CERKL: variants seen among roughly 807,000 people sequenced by gnomAD.
CERKL encodes the protein CERK like autophagy regulator.
Under a neutral mutation model 63.4 loss-of-function variants are expected in CERKL, and 61 were observed. That is an observed-to-expected ratio of 0.96 (90% confidence interval 0.78 to 1.19). The LOEUF (loss-of-function observed/expected upper bound fraction) is 1.19, where lower values mean the gene tolerates loss of function less well. CERKL is among the 50% of genes most tolerant of loss of function. CERKL has a pLI of 0.00. For missense variants in CERKL, 675 were observed against 655.5 expected (o/e 1.03, Z -0.33); for synonymous variants, 250 against 230.5 (o/e 1.08, Z -0.77).
chr2:181,586,000 G>A (rs552813566), intron 2 of CERKL, among the ~76,000 whole-genome samples: 156 of 152,170 alleles, frequency 1.0e-3, no homozygotes, highest in African/African-American at 3.6e-3. Context: ...GTGGCCCAGG[G>A]GATGACAACC....
At chr2:181,607,821 G>GGAAGCTT (rs1365865611) in intron 1 of CERKL, among the ~76,000 whole-genome samples, 1 of 152,160 alleles carries the variant, frequency 6.6e-6, no homozygotes, top group African/African-American at 2.4e-5. Flanking sequence ...TGAAGTTTAA[G>GGAAGCTT]GAAGCTTGTC....
At chr2:181,566,277 A>G (rs1235296237) in intron 3 of CERKL, among the ~76,000 whole-genome samples, 156 bp from the exon 4 acceptor site, 1 of 152,202 alleles carries the variant, frequency 6.6e-6, no homozygotes, top group Non-Finnish European at 1.5e-5. Flanking sequence ...GGGCAAGAGG[A>G]CTAAGTGTTA....
intron 1 of CERKL, among the ~76,000 whole-genome samples, chr2:181,632,612 C>G (rs1035906336): frequency 1.3e-5 from 2 of 152,178 alleles, no homozygotes. Context: ...ATAGGCAAAA[C>G]TTACTGTACT....
intron 4 of CERKL, among the ~76,000 whole-genome samples, chr2:181,559,672 C>T (rs1190567737): frequency 1.3e-5 from 2 of 152,192 alleles, no homozygotes; most frequent in African/African-American, 4.8e-5. Flanking sequence ...TACTAAGCAA[C>T]TAGCATTCAA....
intron 3 of CERKL, among the ~76,000 whole-genome samples, chr2:181,566,663 C>T (rs1207361629): frequency 6.6e-6 from 1 of 152,130 alleles, no homozygotes; most frequent in African/African-American, 2.4e-5. Flanking sequence ...GAGACCCAGA[C>T]CCAAGAAGGA....
rs953771685 is a variant in CERKL at position 181,537,207 on chromosome 2, T to C, written c.*977A>G. The C allele has an allele frequency of 1.8e-5, 8 of 453,120 alleles. No homozygotes were observed. The highest frequency in any genetic ancestry group is 1.6e-4 in the African/African-American group (8 of 50,092). 28.1% of individuals were successfully genotyped at this position (453,120 alleles called of 1,614,324 possible). On this transcript the variant is annotated 3_prime_UTR_variant, in exon 13 of 13. Transcript: ENST00000410087. Reference sequence around the variant, plus strand: ...TCATAGATGAAAAATCAAGCCCCGATTTAGAACTGTCTTCTCCAGGATGGT... The same window carrying C: ...TCATAGATGAAAAATCAAGCCCCGACTTAGAACTGTCTTCTCCAGGATGGT...
At chr2:181,607,676 G>A (rs764033873) in intron 1 of CERKL, among the ~76,000 whole-genome samples, 7 of 152,148 alleles carry the variant, frequency 4.6e-5, no homozygotes, top group Non-Finnish European at 8.8e-5. Context: ...TATGGCCAGG[G>A]TCCCCAAAAT....
rs755548228 is a variant in CERKL, at chr2:181,565,626, AATCT to A, written c.677+428_677+431del. 9.3e-6 allele frequency: 8 copies of A among 863,738 alleles called. No homozygotes were observed. In the East Asian group the frequency reaches 1.9e-4, roughly 20 times the overall value. 53.5% of individuals were successfully genotyped at this position (863,738 alleles called of 1,614,324 possible). A position where few individuals can be genotyped will look rare whatever the true frequency, so the allele number is the denominator to read the frequency against. On this transcript the variant is annotated intron_variant, in intron 4 of 12. Transcript: ENST00000410087. ...TTGTATTTATAAAATATCTTCCCTC[AATCT>A]ATCACAGACAAGTTAACCAATGGGT...
chr2:181,543,129 G>T (rs756791276), intron 11 of CERKL, among the ~76,000 whole-genome samples: 2 of 152,138 alleles, frequency 1.3e-5, no homozygotes, highest in Non-Finnish European at 2.9e-5. Flanking sequence ...AATAAAAAAG[G>T]ATTCGGAAAA....
chr2:181,536,757 TC>T lies in CERKL; in HGVS notation c.*1426del, dbSNP rs1386789616. On this transcript the variant is annotated 3_prime_UTR_variant, in exon 13 of 13. Coordinates refer to ENST00000410087, the MANE Select transcript of CERKL (RefSeq NM_201548.5). ...ATGACTTTCTGGATTTTAAAAAATT[TC>T]TTTAAATACAATCATTTTTGTAATA... 4.1e-6 allele frequency: 1 copy of T among 246,582 alleles called. No homozygotes were observed. Among genetic ancestry groups the T allele is most frequent in the African/African-American group, 2.3e-5 (1 of 43,532 alleles). 15.3% of individuals were successfully genotyped at this position (246,582 alleles called of 1,614,324 possible). A position where few individuals can be genotyped will look rare whatever the true frequency, so the allele number is the denominator to read the frequency against.
intron 11 of CERKL, among the ~76,000 whole-genome samples, chr2:181,543,716 G>T (rs1687606508): frequency 6.6e-6 from 1 of 152,074 alleles, no homozygotes; most frequent in Admixed American, 6.6e-5. Flanking sequence ...CGGACGTGGT[G>T]GCTCACGCCT....
intron 2 of CERKL, among the ~76,000 whole-genome samples, chr2:181,577,197 G>C (rs149617761): frequency 1.4e-4 from 21 of 152,276 alleles, no homozygotes; most frequent in African/African-American, 4.6e-4. Context: ...TGAAAGAATA[G>C]CTAAAGAAAC....
rs189370920 is a variant in CERKL at position 181,586,544 on chromosome 2, G to C, written c.482-12660C>G. On this transcript the variant is annotated intron_variant, in intron 2 of 12. Transcript: ENST00000410087. ...TAGACAATCCAAGATTAAAATATAGGTATAATTCAACATTAATATGCAACT... is the reference window on the plus strand; with the variant it reads ...TAGACAATCCAAGATTAAAATATAGCTATAATTCAACATTAATATGCAACT... 1.1e-4 allele frequency among the ~76,000 whole-genome samples: 17 copies of C among 152,202 alleles called. No individual in the cohort carries two copies. In the East Asian group the frequency reaches 3.3e-3, roughly 29 times the overall value.
intron 5 of CERKL, among the ~76,000 whole-genome samples, chr2:181,552,466 G>A (rs1012490502): frequency 2.0e-5 from 3 of 152,158 alleles, no homozygotes; most frequent in Admixed American, 6.5e-5. Context: ...GCCACCTTGT[G>A]AAGAATGTGC....
At chr2:181,601,355 T>A (rs1685449797) in intron 2 of CERKL, among the ~76,000 whole-genome samples, 1 of 151,318 alleles carries the variant, frequency 6.6e-6, no homozygotes, top group Non-Finnish European at 1.5e-5. Flanking sequence ...AGCTCAGGAG[T>A]TCAAGACCAG....
chr2:181,564,256 T>G (rs1184525860), intron 4 of CERKL, among the ~76,000 whole-genome samples: 1 of 152,132 alleles, frequency 6.6e-6, no homozygotes, highest in South Asian at 2.1e-4. Flanking sequence ...GATATTCATC[T>G]GCAGTCTCGG....
intron 1 of CERKL, among the ~76,000 whole-genome samples, chr2:181,624,276 C>T (rs1686584484): frequency 6.6e-6 from 1 of 151,942 alleles, no homozygotes; most frequent in Non-Finnish European, 1.5e-5. Flanking sequence ...GCCTATAATC[C>T]CAACACTTTG....
rs1310211895 is a variant in CERKL at position 181,548,789 on chromosome 2, C to T, written c.964G>A (p.Ala322Thr). 1.2e-6 allele frequency: 2 copies of T among 1,613,914 alleles called. No homozygotes were observed. Among genetic ancestry groups the T allele is most frequent in the African/African-American group, 2.7e-5 (2 of 74,918 alleles). Reference protein sequence around the residue: ...AGKLLRFGFSAMFGFGGRTLA... With the variant: ...AGKLLRFGFSTMFGFGGRTLA... ...GTTCTTCCACCAAAGCCAAACATGGCTGAGAACCCAAAGCGAAGAAGCTTG... is the reference window on the plus strand; with the variant it reads ...GTTCTTCCACCAAAGCCAAACATGGTTGAGAACCCAAAGCGAAGAAGCTTG... The change falls in exon 7 of 13, where the codon GCC becomes ACC. Residue 322 changes from alanine (A) to threonine (T), a missense_variant. Ala to Thr is a moderately conservative substitution (Grantham distance 58). Coordinates refer to ENST00000410087, the MANE Select transcript of CERKL (RefSeq NM_201548.5).
intron 2 of CERKL, among the ~76,000 whole-genome samples, chr2:181,587,081 T>A (rs866553547): frequency 6.6e-6 from 1 of 152,208 alleles, no homozygotes; most frequent in Non-Finnish European, 1.5e-5. Flanking sequence ...TACATAAGAT[T>A]TGACAACTTT....
Sources: allele counts gnomAD v4.1 joint callset (sites outside exome capture counted in the v4.1 genomes callset), GRCh38; gene constraint gnomAD v4.1.1; transcripts MANE v1.5; gene names NCBI Gene and HGNC (gene_info 2026-07-23, HGNC 2026-07-21).